DNAL1: variants seen among roughly 807,000 people sequenced by gnomAD.
DNAL1 encodes the protein dynein axonemal light chain 1.
A neutral mutation model predicts 29.4 loss-of-function variants in DNAL1; 17 were observed. The ratio of observed to expected loss-of-function variants is 0.58; its 90% CI spans 0.40 to 0.87. DNAL1 has a LOEUF of 0.87. Ranked by LOEUF, DNAL1 falls within the 40% of genes least tolerant of loss-of-function variation. DNAL1 has a pLI of 0.00. For missense variants in DNAL1, 188 were observed against 214.1 expected, an observed-to-expected ratio of 0.88 and a Z score of 0.76; for synonymous variants, 78 against 76.3, an observed-to-expected ratio of 1.02 and a Z score of -0.12.
intron 2 of DNAL1, 102 bp from the exon 3 acceptor site, chr14:73,658,745 A>AT: frequency 2.5e-6 from 2 of 804,398 alleles, no homozygotes; most frequent in Non-Finnish European, 3.9e-6. Flanking sequence ...AATTCTAGCA[A>AT]TTGTCTTGAA....
intron 4 of DNAL1, among the ~76,000 whole-genome samples, chr14:73,670,148 G>A (rs1390970415): frequency 1.3e-5 from 2 of 152,056 alleles, no homozygotes; most frequent in Non-Finnish European, 2.9e-5. Flanking sequence ...ATTCAAAGAG[G>A]TTTGTTTGCT....
intron 4 of DNAL1, among the ~76,000 whole-genome samples, chr14:73,663,642 T>G (rs969833303): frequency 2.6e-5 from 4 of 152,234 alleles, no homozygotes; most frequent in Non-Finnish European, 5.9e-5. Context: ...ACTTTTGTGA[T>G]AGTCAAACAG....
At chr14:73,657,279 G>T (rs1361242404) in intron 2 of DNAL1, among the ~76,000 whole-genome samples, 1 of 152,156 alleles carries the variant, frequency 6.6e-6, no homozygotes, top group African/African-American at 2.4e-5. Context: ...GAGCTCAAGT[G>T]ATCCTCCCAC....
At chr14:73,676,233 C>CA (rs1193712636) in intron 5 of DNAL1, among the ~76,000 whole-genome samples, 1,893 of 120,280 alleles carry the variant, frequency 0.016, 32 homozygotes, top group African/African-American at 0.049. Context: ...GAGACTGTCT[C>CA]AAAAAAAAAA....
intron 1 of DNAL1, among the ~76,000 whole-genome samples, chr14:73,650,535 CAATT>C (rs1292327054): frequency 5.9e-5 from 9 of 152,150 alleles, no homozygotes; most frequent in Non-Finnish European, 4.4e-5. Context: ...AGATAATAGA[CAATT>C]AATATTTGCT....
chr14:73,676,963 ATTTTTTT>A (rs56879277), intron 5 of DNAL1, among the ~76,000 whole-genome samples: 2 of 126,662 alleles, frequency 1.6e-5, no homozygotes, highest in Admixed American at 8.4e-5. Flanking sequence ...AGTAGTATTC[ATTTTTTT>A]TTTTTTTTTT....
chr14:73,669,287 C>CT (rs940827069), intron 4 of DNAL1, among the ~76,000 whole-genome samples: 5 of 151,210 alleles, frequency 3.3e-5, no homozygotes, highest in Admixed American at 2.6e-4. Flanking sequence ...CCCAGCTAAA[C>CT]TTTTTTTTGA....
At chr14:73,687,044 G>C (rs1331939538) in intron 5 of DNAL1, among the ~76,000 whole-genome samples, 1 of 148,048 alleles carries the variant, frequency 6.8e-6, no homozygotes, top group Non-Finnish European at 1.5e-5. Context: ...AGTCAGAGAA[G>C]GAAGAGTTCA....
At chr14:73,664,782 G>A (rs145133820) in intron 4 of DNAL1, among the ~76,000 whole-genome samples, 8 of 152,014 alleles carry the variant, frequency 5.3e-5, no homozygotes, top group African/African-American at 1.7e-4. Flanking sequence ...GATTGCTTGA[G>A]CTCAGGAGAG....
chr14:73,667,510 T>C (rs1891514442), intron 4 of DNAL1, among the ~76,000 whole-genome samples: 1 of 152,138 alleles, frequency 6.6e-6, no homozygotes, highest in Admixed American at 6.5e-5. Flanking sequence ...TGTGTGTTTC[T>C]TTTCTTTTTA....
chr14:73,653,414 C>A, intron 1 of DNAL1, among the ~76,000 whole-genome samples: 1 of 152,052 alleles, frequency 6.6e-6, no homozygotes, highest in East Asian at 1.9e-4. Flanking sequence ...TGTGGTGGTG[C>A]GATCATCCCT....
At position 73,649,080 on chromosome 14, in the gene DNAL1, A is replaced by C. The variant is rs114816433; in HGVS notation, c.3+4038A>C. ...ATCCTCCACCACCTGGGTTCAAGCA[A>C]TTCTCCTCGTCAGCCTCCCGAATAG... On this transcript the variant is annotated intron_variant, in intron 1 of 7. Transcript: ENST00000553645. Among the ~76,000 whole-genome samples the C allele has an allele frequency of 3.9e-3, 585 of 151,620 alleles. 5 individuals carry two copies. The highest frequency in any genetic ancestry group is 0.014 in the African/African-American group (565 of 41,334).
intron 4 of DNAL1, among the ~76,000 whole-genome samples, chr14:73,669,750 C>T (rs553794945): frequency 6.6e-6 from 1 of 152,170 alleles, no homozygotes; most frequent in Admixed American, 6.5e-5. Context: ...TTTACAGGCT[C>T]TGTCTCCAAA....
chr14:73,695,726 A>C (rs1453161207), intron 7 of DNAL1, among the ~76,000 whole-genome samples, 176 bp from the exon 8 acceptor site: 1 of 151,886 alleles, frequency 6.6e-6, no homozygotes, highest in African/African-American at 2.4e-5. Context: ...ACGGGGTTTC[A>C]CCATGTTGGC....
At chr14:73,683,613 T>C (rs1222206871) in intron 5 of DNAL1, among the ~76,000 whole-genome samples, 1 of 150,872 alleles carries the variant, frequency 6.6e-6, no homozygotes, top group Non-Finnish European at 1.5e-5. Flanking sequence ...CATCCTCCCC[T>C]CAGCCCCCCA....
At chr14:73,676,963 AT>A (rs56879277) in intron 5 of DNAL1, among the ~76,000 whole-genome samples, 32,701 of 126,400 alleles carry the variant, frequency 0.26, 4,484 homozygotes, top group Non-Finnish European at 0.34. Context: ...AGTAGTATTC[AT>A]TTTTTTTTTT....
chr14:73,651,689 C>T (rs905694649), intron 1 of DNAL1, among the ~76,000 whole-genome samples: 1 of 152,164 alleles, frequency 6.6e-6, no homozygotes, highest in Non-Finnish European at 1.5e-5. Flanking sequence ...AAGAGTCTTG[C>T]TCTGCTGCCC....
At chr14:73,678,837 C>T (rs1010347917) in intron 5 of DNAL1, among the ~76,000 whole-genome samples, 2 of 152,030 alleles carry the variant, frequency 1.3e-5, no homozygotes, top group Admixed American at 1.3e-4. Context: ...GAACTTCCCT[C>T]TGTGTGTTGA....
At chr14:73,694,448 C>T (rs1347317304) in intron 7 of DNAL1, among the ~76,000 whole-genome samples, 5 of 151,880 alleles carry the variant, frequency 3.3e-5, no homozygotes, top group Non-Finnish European at 2.9e-5. Context: ...AGACTGAATA[C>T]TCAGCTGGGG....
Sources: allele counts gnomAD v4.1 joint callset (sites outside exome capture counted in the v4.1 genomes callset), GRCh38; gene constraint gnomAD v4.1.1; transcripts MANE v1.5; gene names NCBI Gene and HGNC (gene_info 2026-07-23, HGNC 2026-07-21).